Variants in ADAMTS20 observed in about 807,000 individuals in gnomAD.
ADAMTS20 encodes the protein ADAM metallopeptidase with thrombospondin type 1 motif 20, also known as A disintegrin and metalloproteinase with thrombospondin motifs 20.
Under a neutral mutation model 260.1 loss-of-function variants are expected in ADAMTS20, and 225 were observed. The observed-to-expected ratio is 0.87, with a 90% confidence interval of 0.78 to 0.97. The LOEUF (loss-of-function observed/expected upper bound fraction) is 0.97. ADAMTS20 is among the 50% of genes least tolerant of loss of function. The pLI is 0.00. For missense variants in ADAMTS20, 2,400 were observed against 2,337.7 expected (o/e 1.03, Z -0.55); for synonymous variants, 802 against 769.5 (o/e 1.04, Z -0.70).
Position 43,512,354 on chromosome 12 carries a change from ATAT to A in ADAMTS20, c.614-9952_614-9950del, listed in dbSNP as rs1565577815. ...AATAATTTTATATTTATATATGAGG[ATAT>A]TATTATTATTATATCTAAGAAAAGT... On this transcript the variant is annotated intron_variant, in intron 3 of 38. Coordinates refer to ENST00000389420, the MANE Select transcript of ADAMTS20 (RefSeq NM_025003.5). Among the ~76,000 whole-genome samples the A allele has an allele frequency of 6.7e-5, 10 of 149,980 alleles. No individual in the cohort carries two copies. In the South Asian group the frequency reaches 1.7e-3, roughly 25 times the overall value.
chr12:43,464,295 A>C (rs1942115131), intron 10 of ADAMTS20, among the ~76,000 whole-genome samples: 1 of 152,130 alleles, frequency 6.6e-6, no homozygotes, highest in South Asian at 2.1e-4. Flanking sequence ...TTTGAAAATA[A>C]ATATTTCAAT....
chr12:43,544,990 A>G lies in ADAMTS20; in HGVS notation c.453+5919T>C, dbSNP rs1430405702. On this transcript the variant is annotated intron_variant, in intron 2 of 38. Transcript: ENST00000389420. ...GCTCTGCCAGTAGCATGCTCGCCTC[A>G]ATGCACCTACAGTTGCAACAACAAA... Among the ~76,000 whole-genome samples the G allele has an allele frequency of 2.0e-5, 3 of 152,064 alleles. No homozygotes were observed. In the East Asian group the frequency reaches 5.8e-4, roughly 29 times the overall value.
At chr12:43,423,485 T>C in intron 28 of ADAMTS20, 2 of 499,114 alleles carry the variant, frequency 4.0e-6, no homozygotes, top group Non-Finnish European at 7.1e-6. Context: ...AAAACGTCTA[T>C]GCTCAGAAAC....
At chr12:43,393,704 C>G (rs1217294168) in intron 29 of ADAMTS20, among the ~76,000 whole-genome samples, 1 of 151,868 alleles carries the variant, frequency 6.6e-6, no homozygotes, top group Non-Finnish European at 1.5e-5. Context: ...TTATTTGCAA[C>G]TATGGTTTAT....
rs1942581533 is a variant in ADAMTS20 at position 43,490,306 on chromosome 12, G to A, written c.1117+89C>T. The A allele has an allele frequency of 1.0e-5, 7 of 681,316 alleles. 1 individual carries two copies. In the South Asian group the frequency reaches 1.6e-4, roughly 16 times the overall value. 42.2% of individuals were successfully genotyped at this position (681,316 alleles called of 1,614,324 possible). A position where few individuals can be genotyped will look rare whatever the true frequency, so the allele number is the denominator to read the frequency against. The stretch of plus-strand genomic sequence containing the variant: ...GATAATTAATCAAAATTACTAAAAT[G>A]TAAAATAAATGGAAAATAGCCTAAA... On this transcript the variant is annotated intron_variant, in intron 7 of 38. Coordinates refer to ENST00000389420, the MANE Select transcript of ADAMTS20 (RefSeq NM_025003.5).
intron 7 of ADAMTS20, among the ~76,000 whole-genome samples, chr12:43,479,386 C>T (rs1942408500): frequency 1.3e-5 from 2 of 151,970 alleles, no homozygotes; most frequent in Non-Finnish European, 2.9e-5. Context: ...AAAGAATATA[C>T]ATTCTTTTAA....
chr12:43,494,921 C>T (rs1322191851), intron 4 of ADAMTS20, among the ~76,000 whole-genome samples: 3 of 151,980 alleles, frequency 2.0e-5, no homozygotes, highest in Non-Finnish European at 4.4e-5. Context: ...CTCTTTTTCC[C>T]CTATAAATGA....
intron 29 of ADAMTS20, among the ~76,000 whole-genome samples, chr12:43,396,184 A>G (rs1940699019): frequency 6.6e-6 from 1 of 152,192 alleles, no homozygotes; most frequent in Non-Finnish European, 1.5e-5. Context: ...CAGTCATTAA[A>G]ATGCGTTACT....
chr12:43,518,817 G>GA (rs34834714), intron 3 of ADAMTS20, among the ~76,000 whole-genome samples: 3,359 of 111,910 alleles, frequency 0.03, 63 homozygotes, highest in East Asian at 0.089. Flanking sequence ...ACTGGCTCAG[G>GA]AAAAAAAAAA....
At chr12:43,440,544 G>A (rs1380064514) in intron 16 of ADAMTS20, among the ~76,000 whole-genome samples, 1 of 152,180 alleles carries the variant, frequency 6.6e-6, no homozygotes, top group South Asian at 2.1e-4. Context: ...TGTAATGTGG[G>A]ATTTTAACAA....
At chr12:43,405,099 A>T (rs1940886387) in intron 28 of ADAMTS20, among the ~76,000 whole-genome samples, 1 of 151,624 alleles carries the variant, frequency 6.6e-6, no homozygotes, top group East Asian at 1.9e-4. Flanking sequence ...GAAAATATTT[A>T]AAATTAAATA....
In ADAMTS20 at chr12:43,398,770, G is replaced by T. The variant is rs185331547; in HGVS notation, c.4452+296C>A. On this transcript the variant is annotated intron_variant, in intron 29 of 38. Transcript: ENST00000389420. Reference sequence around the variant, plus strand: ...TCACGTCTGTAATCCCAGCACTTTGGGAGGATAAGATGGGAGGATTGCTTG... The same window carrying T: ...TCACGTCTGTAATCCCAGCACTTTGTGAGGATAAGATGGGAGGATTGCTTG... 7.7e-3 allele frequency among the ~76,000 whole-genome samples: 1,169 copies of T among 152,132 alleles called. 15 individuals carry two copies. The highest frequency in any genetic ancestry group is 0.026 in the African/African-American group (1,073 of 41,510).
rs189620501 is a variant in ADAMTS20, at chr12:43,489,691, T to C, written c.1117+704A>G. On this transcript the variant is annotated intron_variant, in intron 7 of 38. Coordinates refer to ENST00000389420, the MANE Select transcript of ADAMTS20 (RefSeq NM_025003.5). ...ATTTGTTATATCTTATAAATGTGAA[T>C]ATTAGCTCACTTAATGGCACAGGCA... Among the ~76,000 whole-genome samples the C allele has an allele frequency of 3.3e-5, 5 of 152,020 alleles. No individual in the cohort carries two copies. In the East Asian group the frequency reaches 5.8e-4, roughly 18 times the overall value.
At chr12:43,420,797 CTTCTTTTTTTTTTTTTT>C (rs1485466458) in intron 28 of ADAMTS20, among the ~76,000 whole-genome samples, 3 of 77,436 alleles carry the variant, frequency 3.9e-5, no homozygotes, top group African/African-American at 1.6e-4. Flanking sequence ...CCTCCTCCTC[CTTCTTTTTTTTTTTTTT>C]TTTTTTTTTT....
intron 27 of ADAMTS20, among the ~76,000 whole-genome samples, chr12:43,426,789 A>G (rs1218997251): frequency 6.6e-6 from 1 of 152,224 alleles, no homozygotes; most frequent in Non-Finnish European, 1.5e-5. Flanking sequence ...TTTTAGAAAG[A>G]TACTAGTAAT....
At chr12:43,381,137 T>C (rs1001481788) in intron 31 of ADAMTS20, among the ~76,000 whole-genome samples, 1 of 152,090 alleles carries the variant, frequency 6.6e-6, no homozygotes, top group Admixed American at 6.6e-5. Flanking sequence ...GCTAATTCAA[T>C]GGGGGAAAGA....
At chr12:43,357,697 A>C (rs919825518) in intron 37 of ADAMTS20, among the ~76,000 whole-genome samples, 2 of 152,232 alleles carry the variant, frequency 1.3e-5, no homozygotes, top group African/African-American at 4.8e-5. Context: ...TATGAAATTT[A>C]GAATATGAAC....
chr12:43,471,464 C>G (rs1224593434), intron 7 of ADAMTS20, among the ~76,000 whole-genome samples: 41 of 119,108 alleles, frequency 3.4e-4, no homozygotes, highest in African/African-American at 1.2e-3. Flanking sequence ...CCAGGAAGCT[C>G]GAACTGGGTG....
chr12:43,354,220 G>C lies in ADAMTS20; in HGVS notation c.5722C>G (p.Gln1908Glu), dbSNP rs750777549. 6.3e-7 allele frequency: 1 copy of C among 1,585,098 alleles called. No homozygotes were observed. Among genetic ancestry groups the C allele is most frequent in the Non-Finnish European group, 8.6e-7 (1 of 1,163,332 alleles). The change falls in exon 39 of 39, where the codon CAA becomes GAA. Residue 1908 changes from glutamine to glutamate, a missense_variant. Gln to Glu is a conservative substitution (Grantham distance 29). Transcript: ENST00000389420. ...LPHMTTGLPI[Q>E]VI ...CCCCTTCTAAATGTTCATATGACTT[G>C]AATTGGGAGACCAGTAGTCATGTGA...
Sources: gnomAD v4.1 joint callset for allele counts (sites outside exome capture counted in the v4.1 genomes callset) on GRCh38, gnomAD v4.1.1 for gene constraint, MANE v1.5 for transcripts, NCBI Gene and HGNC (gene_info 2026-07-23, HGNC 2026-07-21) for gene names.